NLRP12: variants seen among roughly 807,000 people sequenced by gnomAD.
The protein encoded by NLRP12 is NACHT, LRR and PYD domains-containing protein 12.
In NLRP12, 108 loss-of-function variants were observed where a neutral mutation model predicts 91.2. The ratio of observed to expected loss-of-function variants is 1.18; its 90% CI spans 1.01 to 1.39. The LOEUF (loss-of-function observed/expected upper bound fraction) is 1.39, where lower values mean the gene tolerates loss of function less well. NLRP12 is among the 40% of genes most tolerant of loss of function. The probability of loss-of-function intolerance (pLI) is 0.00; values close to 1 mark genes in which losing one functional copy is unlikely to be tolerated. For missense variants in NLRP12, 1,530 were observed against 1,352.7 expected (o/e 1.13, Z -2.06); for synonymous variants, 613 against 566.7 (o/e 1.08, Z -1.16).
At chr19:53,804,770 G>A (rs934425463) in intron 5 of NLRP12, among the ~76,000 whole-genome samples, 3 of 150,528 alleles carry the variant, frequency 2.0e-5, no homozygotes, top group South Asian at 2.1e-4. Flanking sequence ...GCTCACACCT[G>A]TAATTCCAGC....
chr19:53,798,541 CA>C (rs1312986223), intron 7 of NLRP12, 128 bp from the exon 8 acceptor site: 1 of 898,538 alleles, frequency 1.1e-6, no homozygotes, highest in Admixed American at 2.2e-5. Flanking sequence ...CCTTGAGAGA[CA>C]AAAAGAAAAA....
At chr19:53,807,807 A>C in intron 3 of NLRP12, 142 bp from the exon 4 acceptor site, 1 of 907,066 alleles carries the variant, frequency 1.1e-6, no homozygotes, top group Non-Finnish European at 1.7e-6. Context: ...CTGGAGTGCA[A>C]TGGCGCAATC....
At chr19:53,806,000 G>A (rs766420621) in intron 4 of NLRP12, among the ~76,000 whole-genome samples, 4 of 151,912 alleles carry the variant, frequency 2.6e-5, no homozygotes, top group Non-Finnish European at 5.9e-5. Context: ...TTGGGAGGCC[G>A]AGGTGGGTGG....
At chr19:53,805,802 G>A (rs2091950122) in intron 4 of NLRP12, 2 of 349,604 alleles carry the variant, frequency 5.7e-6, no homozygotes, top group Non-Finnish European at 5.5e-6. Flanking sequence ...ACAGGCGTGA[G>A]CCATCATACC....
chr19:53,812,614 T>C (rs1476283540), intron 2 of NLRP12, among the ~76,000 whole-genome samples: 1 of 151,994 alleles, frequency 6.6e-6, no homozygotes, highest in Non-Finnish European at 1.5e-5. Flanking sequence ...AAGAACGCTC[T>C]GGCCCCGAAA....
intron 4 of NLRP12, among the ~76,000 whole-genome samples, chr19:53,806,994 C>G (rs1008394308): frequency 1.3e-5 from 2 of 152,156 alleles, no homozygotes; most frequent in Admixed American, 6.6e-5. Context: ...CTGCCCACTC[C>G]TTGTCTTGGA....
intron 2 of NLRP12, among the ~76,000 whole-genome samples, chr19:53,812,381 C>G (rs890817371): frequency 2.7e-5 from 4 of 150,810 alleles, no homozygotes; most frequent in African/African-American, 4.9e-5. Context: ...CCACTGCACT[C>G]CAGCCTGGGC....
intron 1 of NLRP12, 22 bp from the exon 2 acceptor site, chr19:53,815,010 A>T: frequency 6.3e-7 from 1 of 1,581,718 alleles, no homozygotes; most frequent in Non-Finnish European, 8.7e-7. Context: ...ATTGTGGAAG[A>T]TGAGCTAGCA....
In NLRP12 at chr19:53,810,826, G is replaced by T. The variant is rs778682173; in HGVS notation, c.833C>A (p.Pro278His). Residue 278 changes from proline (P) to histidine (H), a missense_variant, in exon 3 of 10, where the codon CCT becomes CAT. Coordinates refer to ENST00000324134, the MANE Select transcript of NLRP12 (RefSeq NM_144687.4). ...IFSCWPEPSA[P>H]LQELIRVPER... is the part of the protein sequence containing the mutation. ...GGGAACTCGGATGAGCTCCTGGAGA[G>T]GCGCGCTGGGCTCAGGCCAGCAGCT... is the stretch of plus-strand genomic sequence containing the variant. 6.2e-7 allele frequency: 1 copy of T among 1,614,132 alleles called. No homozygotes were observed. The highest frequency in any genetic ancestry group is 8.5e-7 in the Non-Finnish European group (1 of 1,180,036).
At chr19:53,798,475 GGCCCTGTGCCAA>G (rs1461889331) in intron 7 of NLRP12, 62 bp from the exon 8 acceptor site, 17 of 1,535,400 alleles carry the variant, frequency 1.1e-5, no homozygotes, top group East Asian at 7.1e-5. Context: ...CTGCTGGGAG[GGCCCTGTGCCAA>G]GCCCTGTGCT....
In NLRP12 at chr19:53,810,453, G is replaced by C. The variant is rs34971363; in HGVS notation, c.1206C>G (p.Phe402Leu). 104,782 of 1,614,042 alleles carry C rather than the reference G, an allele frequency of 0.065. 3,946 individuals are homozygous for C. Among genetic ancestry groups the C allele is most frequent in the Non-Finnish European group, 0.077 (90,731 of 1,179,992 alleles). The change falls in exon 3 of 10, where the codon TTC becomes TTG. Residue 402 changes from phenylalanine (F) to leucine (L), a missense_variant. Physicochemically the swap from Phe to Leu is conservative, Grantham distance 22. Transcript: ENST00000324134. ...RDNEPLFTMC[F>L]VPLVCWVVCT... ...ACACCACCCAGCACACCAGGGGGAC[G>C]AAGCACATGGTGAAGAGAGGCTCGT...
chr19:53,820,229 C>T (rs1429842594), intron 1 of NLRP12, among the ~76,000 whole-genome samples: 1 of 152,040 alleles, frequency 6.6e-6, no homozygotes, highest in Admixed American at 6.6e-5. Context: ...TGAGAAATTA[C>T]ATTAAAAACC....
chr19:53,805,651 G>A (rs759603188), intron 4 of NLRP12: 2 of 627,154 alleles, frequency 3.2e-6, no homozygotes, highest in Non-Finnish European at 5.8e-6. Flanking sequence ...CTGAGTAGCT[G>A]GGCTTACAGA....
intron 6 of NLRP12, among the ~76,000 whole-genome samples, chr19:53,802,143 C>G (rs1260080787): frequency 1.3e-5 from 2 of 151,784 alleles, no homozygotes; most frequent in African/African-American, 4.8e-5. Flanking sequence ...AGGAGAATCA[C>G]TTGAACCCAG....
Position 53,801,001 on chromosome 19 carries a change from T to TG in NLRP12, c.2756+225dup, listed in dbSNP as rs568910971. On this transcript the variant is annotated intron_variant, in intron 7 of 9. Transcript: ENST00000324134. The stretch of plus-strand genomic sequence containing the variant: ...TGAGGTCAGTAGATCGAGACCATCC[T>TG]GCTAACATGATGAAACCCTGTCTCT... Among the ~76,000 whole-genome samples the TG allele has an allele frequency of 7.2e-3, 1,096 of 151,616 alleles. 14 individuals carry two copies. The highest frequency in any genetic ancestry group is 0.024 in the African/African-American group (992 of 41,316).
rs190534530 is a variant in NLRP12, at chr19:53,807,837, G to A, written c.2073-172C>T. 1,576 of 663,756 alleles carry A rather than the reference G, an allele frequency of 2.4e-3. 7 individuals carry two copies. The highest frequency in any genetic ancestry group is 3.1e-3 in the Non-Finnish European group (1,157 of 374,286). The allele number at this position is 663,756 out of a possible 1,614,324, so 41.1% of individuals were successfully genotyped here. A position where few individuals can be genotyped will look rare whatever the true frequency, so the allele number is the denominator to read the frequency against. ...GCAATCTCAGCTCACCACAACCTCCGCCTCCTGGGTTCAAGCGATTCTCCT... is the reference window on the plus strand; with the variant it reads ...GCAATCTCAGCTCACCACAACCTCCACCTCCTGGGTTCAAGCGATTCTCCT... On this transcript the variant is annotated intron_variant, in intron 3 of 9. Coordinates refer to ENST00000324134, the MANE Select transcript of NLRP12 (RefSeq NM_144687.4).
chr19:53,803,616 G>A, intron 6 of NLRP12: 1 of 359,896 alleles, frequency 2.8e-6, no homozygotes. Flanking sequence ...CTCTGTCACC[G>A]TGGCTGGAGT....
rs751933983 is a variant in NLRP12 at position 53,810,873 on chromosome 19, G to A, written c.786C>T (p.Cys262=). The A allele has an allele frequency of 1.9e-6, 3 of 1,614,076 alleles. No individual in the cohort carries two copies. In the South Asian group the frequency reaches 3.3e-5, roughly 18 times the overall value. The change falls in exon 3 of 10, where the codon TGC becomes TGT. Residue 262 remains cysteine, a synonymous_variant. Coordinates refer to ENST00000324134, the MANE Select transcript of NLRP12 (RefSeq NM_144687.4). ...AGCTGAAGATGAGGTCTTGCATGCT[G>A]CATTCCGTGGCACTCTGGTTCATCT... The part of the protein sequence containing the change: ...CREMNQSATE[C]SMQDLIFSCW...
At chr19:53,800,039 G>A (rs953268176) in intron 7 of NLRP12, among the ~76,000 whole-genome samples, 3 of 152,116 alleles carry the variant, frequency 2.0e-5, no homozygotes, top group Admixed American at 6.6e-5. Flanking sequence ...AGTGGCTCAC[G>A]CCTGTAATCC....
Sources: allele counts gnomAD v4.1 joint callset (sites outside exome capture counted in the v4.1 genomes callset), GRCh38; gene constraint gnomAD v4.1.1; transcripts MANE v1.5; gene names NCBI Gene and HGNC (gene_info 2026-07-23, HGNC 2026-07-21).